Variants in NFIC observed in about 807,000 individuals in gnomAD.
NFIC encodes nuclear factor 1 C-type.
Under a neutral mutation model 54.4 loss-of-function variants are expected in NFIC, and 12 were observed. The observed-to-expected ratio is 0.22, with a 90% CI of 0.14 to 0.36. The LOEUF is 0.36. Ranked by LOEUF, NFIC falls within the 10% of genes least tolerant of loss-of-function variation. The pLI is 1.00. For synonymous variants in NFIC, 322 were observed against 319.2 expected (o/e 1.01, Z -0.09); for missense variants, 575 against 718.2 (o/e 0.80, Z 2.28).
chr19:3,412,553 A>AGCCT (rs1189240563), intron 2 of NFIC, among the ~76,000 whole-genome samples: 2 of 152,112 alleles, frequency 1.3e-5, no homozygotes, highest in African/African-American at 4.8e-5. Context: ...CACTGTGCCC[A>AGCCT]GCCTGTTCAT....
At chr19:3,382,772 G>A (rs2081234818) in intron 2 of NFIC, among the ~76,000 whole-genome samples, 1 of 151,132 alleles carries the variant, frequency 6.6e-6, no homozygotes, top group South Asian at 2.1e-4. Flanking sequence ...GTCTGAGGGG[G>A]GAGGCAGGCC....
At chr19:3,391,602 GC>G (rs1460065475) in intron 2 of NFIC, among the ~76,000 whole-genome samples, 3 of 152,238 alleles carry the variant, frequency 2.0e-5, no homozygotes, top group Non-Finnish European at 2.9e-5. Flanking sequence ...TTTGAGACCA[GC>G]CTGGCCAATA....
At chr19:3,433,734 G>C (rs781779351) in intron 4 of NFIC, 142 bp downstream of exon 4, 3 of 935,600 alleles carry the variant, frequency 3.2e-6, no homozygotes, top group Non-Finnish European at 4.9e-6. Context: ...TAGAAAGGGA[G>C]GTGGCCAGGC....
rs116782005 is a variant in NFIC, at chr19:3,389,135, A to G, written c.562+6892A>G. On this transcript the variant is annotated intron_variant, in intron 2 of 10. Coordinates refer to ENST00000443272, the MANE Select transcript of NFIC (RefSeq NM_001245002.2). ...AGATCATACAGTGCAGGCCGTGCAC[A>G]CTCAGGGAGTAAATGAATGAATGAA... Among the ~76,000 whole-genome samples the G allele has an allele frequency of 2.9e-3, 447 of 152,276 alleles. 2 individuals carry two copies. The highest frequency in any genetic ancestry group is 0.01 in the African/African-American group (423 of 41,548).
intron 2 of NFIC, among the ~76,000 whole-genome samples, chr19:3,408,660 C>T (rs1046492772): frequency 2.0e-5 from 3 of 152,192 alleles, no homozygotes; most frequent in East Asian, 3.9e-4. Context: ...CTCACTCTGT[C>T]GCGCCAACTC....
intron 10 of NFIC, 124 bp downstream of exon 10, chr19:3,456,759 TCC>T: frequency 1.1e-6 from 1 of 941,056 alleles, no homozygotes; most frequent in Non-Finnish European, 1.6e-6. Flanking sequence ...GGCGCCAGCC[TCC>T]CACACCCCAC....
intron 2 of NFIC, among the ~76,000 whole-genome samples, chr19:3,417,061 A>AT (rs1321164756): frequency 2.0e-5 from 3 of 146,660 alleles, no homozygotes; most frequent in African/African-American, 4.9e-5. Context: ...TTTTTTTTGT[A>AT]TTTTTAGTAG....
At chr19:3,381,528 C>CG (rs2081207410) in intron 1 of NFIC, among the ~76,000 whole-genome samples, 184 bp from the exon 2 acceptor site, 1 of 152,310 alleles carries the variant, frequency 6.6e-6, no homozygotes, top group South Asian at 2.1e-4. Flanking sequence ...CTGGGTCCCC[C>CG]GGGCCTTTTG....
chr19:3,372,172 C>T (rs2081032630), intron 1 of NFIC, among the ~76,000 whole-genome samples: 1 of 152,074 alleles, frequency 6.6e-6, no homozygotes, highest in Non-Finnish European at 1.5e-5. Context: ...AGGCACGTGC[C>T]ACCACGCCTG....
At chr19:3,392,351 C>T (rs1039676157) in intron 2 of NFIC, among the ~76,000 whole-genome samples, 2 of 152,036 alleles carry the variant, frequency 1.3e-5, no homozygotes, top group Non-Finnish European at 2.9e-5. Context: ...GGACTACAGG[C>T]GTGAGCCACC....
chr19:3,419,176 G>A (rs537943718), intron 2 of NFIC, among the ~76,000 whole-genome samples: 1 of 152,122 alleles, frequency 6.6e-6, no homozygotes, highest in Admixed American at 6.6e-5. Context: ...ATGGCCATTG[G>A]AATGTATTTA....
chr19:3,426,640 CCCA>C (rs2082031615), intron 3 of NFIC, among the ~76,000 whole-genome samples: 2 of 152,110 alleles, frequency 1.3e-5, no homozygotes, highest in South Asian at 4.1e-4. Context: ...CTCCCTGTGG[CCCA>C]CAAGGCCCTG....
intron 7 of NFIC, among the ~76,000 whole-genome samples, chr19:3,451,567 G>A (rs890284259): frequency 1.3e-5 from 2 of 149,874 alleles, no homozygotes; most frequent in African/African-American, 4.9e-5. Context: ...GGAGGTCAAG[G>A]CTGTAGTGAG....
intron 5 of NFIC, among the ~76,000 whole-genome samples, chr19:3,434,856 GTTGAGA>G (rs912035026): frequency 1.3e-5 from 2 of 152,108 alleles, no homozygotes; most frequent in African/African-American, 2.4e-5. Context: ...TCCGACCTGT[GTTGAGA>G]CCCTCCCTGC....
intron 2 of NFIC, among the ~76,000 whole-genome samples, chr19:3,394,517 C>CCCCCG: frequency 1.3e-4 from 3 of 23,786 alleles, no homozygotes; most frequent in African/African-American, 3.5e-4. Flanking sequence ...GATCTTTTCC[C>CCCCCG]CACCCACCCC....
chr19:3,396,078 G>A (rs1423470886), intron 2 of NFIC, among the ~76,000 whole-genome samples: 5 of 152,180 alleles, frequency 3.3e-5, no homozygotes, highest in Admixed American at 2.0e-4. Flanking sequence ...TGTGGCGGGA[G>A]GTATTTGGGC....
chr19:3,433,452 C>T (rs2082152456), intron 3 of NFIC, 66 bp from the exon 4 acceptor site: 1 of 1,566,714 alleles, frequency 6.4e-7, no homozygotes. Context: ...TCCAGGCAGC[C>T]CTGGAGTGTG....
chr19:3,440,822 T>TTTTTG (rs1221818950), intron 6 of NFIC, among the ~76,000 whole-genome samples: 6 of 151,988 alleles, frequency 3.9e-5, no homozygotes, highest in East Asian at 1.9e-4. Context: ...CGCCTGGCCT[T>TTTTTG]TTTTGTTTTG....
intron 9 of NFIC, 63 bp from the exon 10 acceptor site, chr19:3,456,487 C>T (rs2082558288): frequency 6.6e-7 from 1 of 1,511,956 alleles, no homozygotes; most frequent in Non-Finnish European, 9.0e-7. Context: ...TCTCTGGGGC[C>T]AGGGCCGCCC....
Sources: gnomAD v4.1 joint callset for allele counts (sites outside exome capture counted in the v4.1 genomes callset) on GRCh38, gnomAD v4.1.1 for gene constraint, MANE v1.5 for transcripts, NCBI Gene and HGNC (gene_info 2026-07-23, HGNC 2026-07-21) for gene names.